The following TIFAB variants were observed in gnomAD, a reference collection of about 807,000 sequenced individuals.
The protein encoded by TIFAB is TIFA inhibitor, also known as TRAF-interacting protein with FHA domain-containing protein B.
For synonymous variants in TIFAB, 116 were observed against 95.2 expected, an observed-to-expected ratio of 1.22 and a Z score of -1.27; for missense variants, 222 against 203.6, an observed-to-expected ratio of 1.09 and a Z score of -0.55.
At position 135,447,248 on chromosome 5, in the gene TIFAB, G is replaced by T; in HGVS notation, c.*2206C>A. The T allele has an allele frequency of 9.7e-7, 1 of 1,031,832 alleles. No homozygotes were observed. Among genetic ancestry groups the T allele is most frequent in the Non-Finnish European group, 1.4e-6 (1 of 708,346 alleles). The allele number at this position is 1,031,832 out of a possible 1,614,324, so 63.9% of individuals were successfully genotyped here. A position where few individuals can be genotyped will look rare whatever the true frequency, so the allele number is the denominator to read the frequency against. On this transcript the variant is annotated 3_prime_UTR_variant, in exon 2 of 2. Coordinates refer to ENST00000537858, the MANE Select transcript of TIFAB (RefSeq NM_001099221.2). ...CTGCCTATTGGACCTTCTGATGCAA[G>T]GAGCAGATTAAAATCCCCTCCCTGT...
intron 1 of TIFAB, among the ~76,000 whole-genome samples, chr5:135,451,288 C>T (rs1465399175): frequency 6.6e-6 from 1 of 152,170 alleles, no homozygotes; most frequent in Non-Finnish European, 1.5e-5. Flanking sequence ...CAATGTCCCT[C>T]CAGGTCTTGA....
Position 135,446,347 on chromosome 5 carries a change from C to A in TIFAB, c.*3107G>T, listed in dbSNP as rs746004472. The A allele has an allele frequency of 6.4e-7, 1 of 1,568,754 alleles. No homozygotes were observed. Among genetic ancestry groups the A allele is most frequent in the Non-Finnish European group, 8.7e-7 (1 of 1,155,330 alleles). ...CGTGTTTAGTGTATGTCTGTGCATA[C>A]TTGCGTGTGTGCACACGCACACATG... is the stretch of plus-strand genomic sequence containing the variant. On this transcript the variant is annotated 3_prime_UTR_variant, in exon 2 of 2. Coordinates refer to ENST00000537858, the MANE Select transcript of TIFAB (RefSeq NM_001099221.2).
rs780657620 is a variant in TIFAB, at chr5:135,446,965, GT to G, written c.*2488del. 6.2e-7 allele frequency: 1 copy of G among 1,613,046 alleles called. No homozygotes were observed. The highest frequency in any genetic ancestry group is 2.2e-5 in the East Asian group (1 of 44,854). ...TCAGGGGCAGCAGCTCATTCCCAAA[GT>G]TCTCTGGTGGAGCTGGGGAGTGGCA... On this transcript the variant is annotated 3_prime_UTR_variant, in exon 2 of 2. Transcript: ENST00000537858.
At chr5:135,450,733 T>G (rs959965937) in intron 1 of TIFAB, 1 of 152,262 alleles carries the variant, frequency 6.6e-6, no homozygotes, top group Non-Finnish European at 1.5e-5. Flanking sequence ...GTTGAGTGGA[T>G]TTGAATAACT....
Position 135,446,724 on chromosome 5 carries a change from G to A in TIFAB, c.*2730C>T, listed in dbSNP as rs12518053. The stretch of plus-strand genomic sequence containing the variant: ...CTGAAACTACAAACCAGATGTTTCC[G>A]GGCTCCCTCCCGCCTGGTCTGGCCT... On this transcript the variant is annotated 3_prime_UTR_variant, in exon 2 of 2. Coordinates refer to ENST00000537858, the MANE Select transcript of TIFAB (RefSeq NM_001099221.2). 1.5e-5 allele frequency: 24 copies of A among 1,613,552 alleles called. No homozygotes were observed. The highest frequency in any genetic ancestry group is 2.2e-5 in the East Asian group (1 of 44,854).
chr5:135,449,531 T>G lies in TIFAB; in HGVS notation c.409A>C (p.Ile137Leu). The change falls in exon 2 of 2, where the codon ATT becomes CTT. Residue 137 changes from isoleucine (I) to leucine (L), a missense_variant. Transcript: ENST00000537858. ...CYFHVSPSPL[I>L]YRPEAEETDE... ...GTTTCCTCAGCCTCAGGTCTGTAAA[T>G]CAGGGGTGAAGGGCTGACATGGAAA... 6.2e-7 allele frequency: 1 copy of G among 1,614,180 alleles called. No homozygotes were observed. The highest frequency in any genetic ancestry group is 8.5e-7 in the Non-Finnish European group (1 of 1,180,034).
intron 1 of TIFAB, among the ~76,000 whole-genome samples, chr5:135,450,418 G>A (rs985241934): frequency 1.8e-4 from 27 of 152,212 alleles, no homozygotes; most frequent in African/African-American, 6.3e-4. Flanking sequence ...ATTCAACAAC[G>A]AACCGAGCCC....
At chr5:135,452,005 A>T (rs556569950) in intron 1 of TIFAB, among the ~76,000 whole-genome samples, 122 of 152,366 alleles carry the variant, frequency 8.0e-4, no homozygotes, top group Non-Finnish European at 1.6e-3. Context: ...CCCACTAAAG[A>T]GGAGCCCATC....
chr5:135,449,892 C>G lies in TIFAB; in HGVS notation c.48G>C (p.Thr16=). 1.3e-6 allele frequency: 2 copies of G among 1,564,730 alleles called. No individual in the cohort carries two copies. The highest frequency in any genetic ancestry group is 1.7e-6 in the Non-Finnish European group (2 of 1,153,310). Residue 16 remains threonine, a synonymous_variant, in exon 2 of 2, where the codon ACG becomes ACC. Transcript: ENST00000537858. The part of the protein sequence containing the change: ...TVLRVSLYHP[T]LGPSAFANVP... ...CATTGGCAAAGGCAGATGGGCCCAG[C>G]GTGGGATGGTACAGGCTCACTCGCA... is the stretch of plus-strand genomic sequence containing the variant.
intron 1 of TIFAB, among the ~76,000 whole-genome samples, chr5:135,451,846 C>T (rs1449041210): frequency 3.3e-5 from 5 of 152,202 alleles, no homozygotes; most frequent in African/African-American, 4.8e-5. Flanking sequence ...CTGGGCAACC[C>T]ATGCTGTCAG....
Position 135,449,333 on chromosome 5 carries a change from A to C in TIFAB, c.*121T>G, listed in dbSNP as rs1347485152. The C allele has an allele frequency of 1.5e-6, 2 of 1,360,550 alleles. No homozygotes were observed. The highest frequency in any genetic ancestry group is 1.4e-5 in the African/African-American group (1 of 69,072). The allele number at this position is 1,360,550 out of a possible 1,614,324, so 84.3% of individuals were successfully genotyped here. On this transcript the variant is annotated 3_prime_UTR_variant, in exon 2 of 2. Transcript: ENST00000537858. ...CTTGCTCTAGTGGCAGGGCTAGCAG[A>C]GTGCACTGTCTGGGGGTTCCCTCTG... is the stretch of plus-strand genomic sequence containing the variant.
chr5:135,451,465 C>T (rs112529990), intron 1 of TIFAB, among the ~76,000 whole-genome samples: 1 of 151,538 alleles, frequency 6.6e-6, no homozygotes, highest in African/African-American at 2.4e-5. Flanking sequence ...CATAGTCTGC[C>T]GAAAGCCTTT....
intron 1 of TIFAB, chr5:135,450,740 A>G (rs1769349245): frequency 6.6e-6 from 1 of 152,258 alleles, no homozygotes; most frequent in African/African-American, 2.4e-5. Flanking sequence ...GGATTTGAAT[A>G]ACTAATTATA....
chr5:135,446,947 C>G lies in TIFAB; in HGVS notation c.*2507G>C. 6 of 1,612,688 alleles carry G rather than the reference C, an allele frequency of 3.7e-6. No homozygotes were observed. Among genetic ancestry groups the G allele is most frequent in the Non-Finnish European group, 5.1e-6 (6 of 1,179,262 alleles). On this transcript the variant is annotated 3_prime_UTR_variant, in exon 2 of 2. Transcript: ENST00000537858. ...GGCCCTGGAGAGGGGCACTCAGGGG[C>G]AGCAGCTCATTCCCAAAGTTCTCTG...
Position 135,446,502 on chromosome 5 carries a change from A to G in TIFAB, c.*2952T>C. ...GATAGTGATATCAAGTGCGAAGACC[A>G]GGCCCTGAAGCCAGCCTGACGGTTC... On this transcript the variant is annotated 3_prime_UTR_variant, in exon 2 of 2. Coordinates refer to ENST00000537858, the MANE Select transcript of TIFAB (RefSeq NM_001099221.2). 2 of 1,614,058 alleles carry G rather than the reference A, an allele frequency of 1.2e-6. No homozygotes were observed. Among genetic ancestry groups the G allele is most frequent in the South Asian group, 1.1e-5 (1 of 91,084 alleles).
rs779992336 is a variant in TIFAB at position 135,447,121 on chromosome 5, A to G, written c.*2333T>C. On this transcript the variant is annotated 3_prime_UTR_variant, in exon 2 of 2. Transcript: ENST00000537858. ...CTCCGTAATGCATAGTTGGGGGACC[A>G]TTTTGGTCAGTGACAGATCACTGCT... 31 of 1,613,886 alleles carry G rather than the reference A, an allele frequency of 1.9e-5. No individual in the cohort carries two copies. Among genetic ancestry groups the G allele is most frequent in the Middle Eastern group, 1.6e-4 (1 of 6,084 alleles).
In TIFAB at chr5:135,449,743, T is replaced by G; in HGVS notation, c.197A>C (p.Lys66Thr). 1 of 1,613,914 alleles carries G rather than the reference T, an allele frequency of 6.2e-7. No individual in the cohort carries two copies. The highest frequency in any genetic ancestry group is 8.5e-7 in the Non-Finnish European group (1 of 1,179,888). The stretch of plus-strand genomic sequence containing the variant: ...GCAGAAGGCCAGCAGGGCACTGCCT[T>G]TCTCCAGGTAGGGCTCCAGGGACAG... ...RHLSLEPYLE[K>T]GSALLAFCLK... The change falls in exon 2 of 2, where the codon AAA becomes ACA. Residue 66 changes from lysine (K) to threonine (T), a missense_variant. Transcript: ENST00000537858.
chr5:135,449,399 G>T lies in TIFAB; in HGVS notation c.*55C>A. On this transcript the variant is annotated 3_prime_UTR_variant, in exon 2 of 2. Transcript: ENST00000537858. ...TCCTCCTCCAGGTCTTGGCTGGAGA[G>T]GGCTGTCCCAAGTCTGGGAAGGGCC... 2.9e-5 allele frequency: 46 copies of T among 1,593,424 alleles called. No homozygotes were observed. The highest frequency in any genetic ancestry group is 3.8e-5 in the Non-Finnish European group (44 of 1,170,468).
chr5:135,447,230 T>C lies in TIFAB; in HGVS notation c.*2224A>G. 1 of 1,204,028 alleles carries C rather than the reference T, an allele frequency of 8.3e-7. No homozygotes were observed. The highest frequency in any genetic ancestry group is 1.2e-6 in the Non-Finnish European group (1 of 851,250). 74.6% of individuals were successfully genotyped at this position (1,204,028 alleles called of 1,614,324 possible). On this transcript the variant is annotated 3_prime_UTR_variant, in exon 2 of 2. Transcript: ENST00000537858. ...TCTCCCATTATACTAACCCTGCCTA[T>C]TGGACCTTCTGATGCAAGGAGCAGA...
Sources: gnomAD v4.1 joint callset for allele counts (sites outside exome capture counted in the v4.1 genomes callset) on GRCh38, gnomAD v4.1.1 for gene constraint, MANE v1.5 for transcripts, NCBI Gene and HGNC (gene_info 2026-07-23, HGNC 2026-07-21) for gene names.